The following PHF20 variants were observed in gnomAD, a reference collection of about 807,000 sequenced individuals.
PHF20 encodes the protein glioma-expressed antigen 2.
A neutral mutation model predicts 113.5 loss-of-function variants in PHF20; 23 were observed. The ratio of observed to expected loss-of-function variants is 0.20; its 90% CI spans 0.15 to 0.29. PHF20 has a LOEUF of 0.29. Among genes scored for constraint, PHF20 ranks in the 10% least tolerant of loss-of-function variants. PHF20 has a pLI of 1.00. For missense variants in PHF20, 943 were observed against 1,219.6 expected (o/e 0.77, Z 3.38); for synonymous variants, 434 against 457.3 (o/e 0.95, Z 0.65).
intron 9 of PHF20, among the ~76,000 whole-genome samples, chr20:35,876,244 G>A (rs1376765235): frequency 2.0e-5 from 3 of 151,612 alleles, no homozygotes; most frequent in Non-Finnish European, 4.4e-5. Context: ...TTTTTTGAAT[G>A]AGGTATTTGC....
chr20:35,848,719 T>C (rs757400325), intron 4 of PHF20, among the ~76,000 whole-genome samples: 2 of 151,802 alleles, frequency 1.3e-5, no homozygotes, highest in Non-Finnish European at 2.9e-5. Flanking sequence ...TAGATGAGTG[T>C]GGTGACATGT....
intron 2 of PHF20, among the ~76,000 whole-genome samples, chr20:35,827,522 C>T (rs371242975): frequency 6.8e-4 from 103 of 151,952 alleles, no homozygotes; most frequent in African/African-American, 2.2e-3. Flanking sequence ...CGGTGGCTCA[C>T]GCCTGTAATC....
chr20:35,858,355 C>G lies in PHF20; in HGVS notation c.394C>G (p.His132Asp). ...DGVVQTVKHI[H>D]VKAFSKDQNI... Reference sequence around the variant, plus strand: ...AGTAGTTCAGACTGTCAAACATATTCATGTCAAAGCTTTTTCCAAAGATCA... The same window carrying G: ...AGTAGTTCAGACTGTCAAACATATTGATGTCAAAGCTTTTTCCAAAGATCA... Residue 132 changes from histidine (H) to aspartate (D), a missense_variant, in exon 5 of 18, where the codon CAT (histidine) becomes GAT (aspartate). His to Asp is a moderately conservative substitution (Grantham distance 81). This residue lies in a region of PHF20 where 592 missense variants were observed against 787.2 expected (regional missense o/e 0.75). Transcript: ENST00000374012. 6.3e-7 allele frequency: 1 copy of G among 1,593,148 alleles called. No homozygotes were observed. The highest frequency in any genetic ancestry group is 8.6e-7 in the Non-Finnish European group (1 of 1,163,874).
chr20:35,918,492 G>A (rs1334236683), intron 13 of PHF20, among the ~76,000 whole-genome samples: 1 of 152,110 alleles, frequency 6.6e-6, no homozygotes, highest in African/African-American at 2.4e-5. Context: ...TGCTTCTCTG[G>A]AGTCCTTTTG....
intron 2 of PHF20, among the ~76,000 whole-genome samples, chr20:35,834,007 G>A (rs1275489155): frequency 1.3e-5 from 2 of 151,892 alleles, no homozygotes; most frequent in Middle Eastern, 3.2e-3. Flanking sequence ...GCAGTGAGCC[G>A]AGATCATGCC....
chr20:35,912,344 G>A (rs2055322357), intron 10 of PHF20, among the ~76,000 whole-genome samples: 1 of 152,206 alleles, frequency 6.6e-6, no homozygotes. Flanking sequence ...TGGTAGGTGG[G>A]AAGCTTTTTA....
chr20:35,847,642 C>T (rs557804040), intron 4 of PHF20, among the ~76,000 whole-genome samples: 33 of 152,198 alleles, frequency 2.2e-4, no homozygotes, highest in Admixed American at 3.3e-4. Context: ...CTTTTTACCC[C>T]CTGAATTTCA....
At chr20:35,783,881 A>T (rs1242384275) in intron 1 of PHF20, among the ~76,000 whole-genome samples, 1 of 151,756 alleles carries the variant, frequency 6.6e-6, no homozygotes, top group Non-Finnish European at 1.5e-5. Context: ...TACTCTTGGG[A>T]GGCTGAGGCA....
Position 35,924,348 on chromosome 20 carries a change from C to T in PHF20, c.2005-3432C>T, listed in dbSNP as rs547862070. Reference sequence around the variant, plus strand: ...TAGCTGGGATTACAGGCATGCACCACCACGCTTGGCTAATTTTGTATTTTT... The same window carrying T: ...TAGCTGGGATTACAGGCATGCACCATCACGCTTGGCTAATTTTGTATTTTT... On this transcript the variant is annotated intron_variant, in intron 13 of 17. Coordinates refer to ENST00000374012, the MANE Select transcript of PHF20 (RefSeq NM_016436.5). Among the ~76,000 whole-genome samples, 42 of 151,762 alleles carry T rather than the reference C, an allele frequency of 2.8e-4. No homozygotes were observed. In the South Asian group the frequency reaches 8.5e-3, roughly 31 times the overall value.
Position 35,806,694 on chromosome 20 carries a change from G to GT in PHF20, c.83+5090dup, listed in dbSNP as rs775458837. Among the ~76,000 whole-genome samples, 8 of 150,320 alleles carry GT rather than the reference G, an allele frequency of 5.3e-5. No homozygotes were observed. In the East Asian group the frequency reaches 1.6e-3, roughly 30 times the overall value. On this transcript the variant is annotated intron_variant, in intron 2 of 17. Transcript: ENST00000374012. ...TTGATTTATGTTTACTCCTGTGCTT[G>GT]TAATAACACATTATTTAATTGATAT...
At chr20:35,828,266 C>T (rs1258967353) in intron 2 of PHF20, among the ~76,000 whole-genome samples, 6 of 152,108 alleles carry the variant, frequency 3.9e-5, no homozygotes, top group African/African-American at 1.2e-4. Flanking sequence ...TCAGGTGATC[C>T]GCCCGCCTTG....
At chr20:35,772,318 G>A (rs1366830554) in intron 1 of PHF20, among the ~76,000 whole-genome samples, 2 of 150,372 alleles carry the variant, frequency 1.3e-5, no homozygotes, top group Non-Finnish European at 3.0e-5. Context: ...CAAGAGTGGC[G>A]GCGGCTGCCG....
intron 4 of PHF20, among the ~76,000 whole-genome samples, chr20:35,850,300 T>TTTTTTTTG (rs2042697844): frequency 1.0e-5 from 1 of 98,578 alleles, no homozygotes; most frequent in African/African-American, 4.7e-5. Context: ...CCCTCCGTTT[T>TTTTTTTTG]TTTTTTTTTT....
At chr20:35,831,260 A>G (rs754327039) in intron 2 of PHF20, among the ~76,000 whole-genome samples, 5 of 151,360 alleles carry the variant, frequency 3.3e-5, no homozygotes, top group Non-Finnish European at 7.4e-5. Flanking sequence ...TCTGGGCTCC[A>G]GTGATCCTCT....
chr20:35,818,276 AAAAACAAAAC>A (rs201625822), intron 2 of PHF20, among the ~76,000 whole-genome samples: 2,828 of 152,158 alleles, frequency 0.019, 92 homozygotes, highest in African/African-American at 0.065. Flanking sequence ...CTCCGTCTCA[AAAAACAAAAC>A]AAAACAAAAC....
chr20:35,842,767 T>C, intron 3 of PHF20, 23 bp downstream of exon 3: 1 of 1,607,490 alleles, frequency 6.2e-7, no homozygotes. Context: ...TCTGGGAAGT[T>C]CTGTAGTATG....
At chr20:35,851,348 A>G (rs190163054) in intron 4 of PHF20, among the ~76,000 whole-genome samples, 47 of 152,230 alleles carry the variant, frequency 3.1e-4, no homozygotes, top group African/African-American at 9.9e-4. Flanking sequence ...GTCTGCATTT[A>G]TAACAGGAGA....
intron 9 of PHF20, among the ~76,000 whole-genome samples, chr20:35,881,451 G>A (rs910687844): frequency 1.3e-5 from 2 of 150,236 alleles, no homozygotes; most frequent in African/African-American, 2.4e-5. Flanking sequence ...TGAGGTGGGC[G>A]AATTGCTTGA....
At chr20:35,788,412 T>C (rs1404388222) in intron 1 of PHF20, among the ~76,000 whole-genome samples, 1 of 151,650 alleles carries the variant, frequency 6.6e-6, no homozygotes, top group Non-Finnish European at 1.5e-5. Context: ...TTTTATTTTT[T>C]GTAGAGTTGA....
Sources: gnomAD v4.1 joint callset for allele counts (sites outside exome capture counted in the v4.1 genomes callset) on GRCh38, gnomAD v4.1.1 for gene constraint, gnomAD v4.1.1 regional missense constraint, MANE v1.5 for transcripts, NCBI Gene and HGNC (gene_info 2026-07-23, HGNC 2026-07-21) for gene names.